Variants in FAM13A observed in about 807,000 individuals in gnomAD.
FAM13A encodes protein FAM13A.
Under a neutral mutation model 129.6 loss-of-function variants are expected in FAM13A, and 76 were observed. The observed-to-expected ratio is 0.59, with a 90% CI of 0.49 to 0.71. FAM13A has a LOEUF of 0.71. Among genes scored for constraint, FAM13A ranks in the 30% least tolerant of loss-of-function variants. The pLI is 0.00. For missense variants in FAM13A, 1,108 were observed against 1,249.3 expected, an observed-to-expected ratio of 0.89 and a Z score of 1.70; for synonymous variants, 443 against 449.9, an observed-to-expected ratio of 0.98 and a Z score of 0.20.
At chr4:88,877,831 C>T (rs1742822404) in intron 6 of FAM13A, among the ~76,000 whole-genome samples, 1 of 152,210 alleles carries the variant, frequency 6.6e-6, no homozygotes, top group Admixed American at 6.5e-5. Context: ...TCTTCTACTT[C>T]CCACCTCTTA....
chr4:88,770,951 T>C (rs1313033451), intron 11 of FAM13A, among the ~76,000 whole-genome samples: 1 of 152,186 alleles, frequency 6.6e-6, no homozygotes, highest in Non-Finnish European at 1.5e-5. Flanking sequence ...TTTCCAATAT[T>C]GTTCAATATT....
intron 8 of FAM13A, among the ~76,000 whole-genome samples, chr4:88,795,761 CT>C (rs998912795): frequency 6.6e-6 from 1 of 151,600 alleles, no homozygotes; most frequent in African/African-American, 2.4e-5. Flanking sequence ...ACTAAAAGTG[CT>C]TTTTTTGATT....
rs553463813 is a variant in FAM13A at position 88,776,438 on chromosome 4, G to A, written c.1458+4727C>T. On this transcript the variant is annotated intron_variant, in intron 11 of 23. Coordinates refer to ENST00000264344, the MANE Select transcript of FAM13A (RefSeq NM_014883.4). ...ATATCTACCTATGGATTATTGGGAG[G>A]ATTAAAATTGAGAATATATGAAAAG... Among the ~76,000 whole-genome samples, 93 of 152,106 alleles carry A rather than the reference G, an allele frequency of 6.1e-4. 1 individual carries two copies. Among genetic ancestry groups the A allele is most frequent in the Non-Finnish European group, 1.0e-3 (71 of 67,998 alleles).
chr4:89,019,239 GTTCTTTA>G (rs1766919953), intron 3 of FAM13A, among the ~76,000 whole-genome samples: 1 of 152,122 alleles, frequency 6.6e-6, no homozygotes, highest in Non-Finnish European at 1.5e-5. Flanking sequence ...CACTTATCCT[GTTCTTTA>G]GCATACTGCA....
intron 7 of FAM13A, among the ~76,000 whole-genome samples, chr4:88,829,015 G>A (rs1387978855): frequency 1.3e-5 from 2 of 152,184 alleles, no homozygotes; most frequent in African/African-American, 2.4e-5. Context: ...AATTCCAAGT[G>A]TTTGGCAATA....
intron 4 of FAM13A, among the ~76,000 whole-genome samples, chr4:88,943,722 C>A (rs184093217): frequency 6.6e-6 from 1 of 152,210 alleles, no homozygotes. Flanking sequence ...TTCTAGAACT[C>A]TAATGAAGAA....
Position 88,728,553 on chromosome 4 carries a change from T to C in FAM13A, c.3052A>G (p.Thr1018Ala). The C allele has an allele frequency of 1.9e-6, 3 of 1,614,172 alleles. No individual in the cohort carries two copies. The highest frequency in any genetic ancestry group is 2.5e-6 in the Non-Finnish European group (3 of 1,179,996). ...LLEVLISKRD[T>A]DSKSM ...GCCCCTCACATGGACTTGGAATCAGTGTCTCTCTTGCTGATGAGCACCTCC... is the reference window on the plus strand; with the variant it reads ...GCCCCTCACATGGACTTGGAATCAGCGTCTCTCTTGCTGATGAGCACCTCC... Residue 1018 changes from threonine (T) to alanine (A), a missense_variant, in exon 24 of 24, where the codon ACT becomes GCT. Transcript: ENST00000264344.
intron 7 of FAM13A, among the ~76,000 whole-genome samples, chr4:88,833,205 A>C (rs1734207646): frequency 6.6e-6 from 1 of 152,172 alleles, no homozygotes; most frequent in Non-Finnish European, 1.5e-5. Context: ...CTGGGAGCAG[A>C]ACAACATACA....
intron 13 of FAM13A, among the ~76,000 whole-genome samples, chr4:88,761,855 A>C (rs1744874735): frequency 6.6e-6 from 1 of 152,206 alleles, no homozygotes; most frequent in Admixed American, 6.5e-5. Context: ...ACTATTTGCT[A>C]GATGTTTTTT....
chr4:88,785,137 T>C (rs1043277000), intron 10 of FAM13A, among the ~76,000 whole-genome samples: 2 of 152,168 alleles, frequency 1.3e-5, no homozygotes, highest in Non-Finnish European at 2.9e-5. Context: ...ATAGTCATCA[T>C]TGGCTTCTTC....
At chr4:88,760,225 A>G (rs1744510126) in intron 13 of FAM13A, among the ~76,000 whole-genome samples, 1 of 152,234 alleles carries the variant, frequency 6.6e-6, no homozygotes, top group African/African-American at 2.4e-5. Context: ...TTTCCATGAA[A>G]TGATGCATGG....
At chr4:88,790,674 A>C (rs1724951664) in intron 8 of FAM13A, 47 bp from the exon 9 acceptor site, 1 of 1,550,928 alleles carries the variant, frequency 6.4e-7, no homozygotes, top group East Asian at 2.2e-5. Context: ...GAAAGATCAG[A>C]GATGATGAAC....
At chr4:88,765,207 C>CA (rs926243488) in intron 13 of FAM13A, among the ~76,000 whole-genome samples, 14 of 150,728 alleles carry the variant, frequency 9.3e-5, no homozygotes, top group East Asian at 2.0e-4. Context: ...GTAGTCCTCC[C>CA]AAAAAAAAAT....
chr4:88,824,296 A>C (rs766343479), intron 7 of FAM13A, among the ~76,000 whole-genome samples: 1 of 152,222 alleles, frequency 6.6e-6, no homozygotes, highest in East Asian at 1.9e-4. Flanking sequence ...GCTTGTAGGC[A>C]TGAGGTATCC....
rs377569584 is a variant in FAM13A, at chr4:88,817,562, C to CA, written c.1008-12511dup. On this transcript the variant is annotated intron_variant, in intron 7 of 23. Transcript: ENST00000264344. ...TAGGGGACAGAGCAAGACTCTGTCT[C>CA]AAAAAAAAAAAAAAGTTATTTCTAG... Among the ~76,000 whole-genome samples, 511 of 109,886 alleles carry CA rather than the reference C, an allele frequency of 4.7e-3. 5 individuals are homozygous for CA. Among genetic ancestry groups the CA allele is most frequent in the Middle Eastern group, 0.01 (2 of 198 alleles). The allele number at this position is 109,886 out of a possible 152,430, so 72.1% of individuals were successfully genotyped here. A position where few individuals can be genotyped will look rare whatever the true frequency, so the allele number is the denominator to read the frequency against.
intron 7 of FAM13A, among the ~76,000 whole-genome samples, chr4:88,834,055 ATTTTTTTTTT>A (rs922832858): frequency 3.2e-4 from 27 of 84,200 alleles, no homozygotes; most frequent in South Asian, 2.1e-3. Flanking sequence ...AGGCCTGGCT[ATTTTTTTTTT>A]TTTTTTTTTT....
intron 5 of FAM13A, among the ~76,000 whole-genome samples, chr4:88,914,505 C>T (rs1362851011): frequency 6.6e-6 from 1 of 152,142 alleles, no homozygotes; most frequent in Non-Finnish European, 1.5e-5. Flanking sequence ...CAGCATTTGC[C>T]CTTCTTATTC....
chr4:88,742,267 G>A (rs1253378697), intron 19 of FAM13A, among the ~76,000 whole-genome samples: 2 of 152,178 alleles, frequency 1.3e-5, no homozygotes, highest in Middle Eastern at 3.2e-3. Flanking sequence ...GTTCAAAAAC[G>A]AAGTTTTCTA....
intron 7 of FAM13A, among the ~76,000 whole-genome samples, chr4:88,846,731 T>C (rs1736705731): frequency 6.6e-6 from 1 of 152,220 alleles, no homozygotes; most frequent in Non-Finnish European, 1.5e-5. Flanking sequence ...TTCAGTGACT[T>C]TTAGTAACTT....
Sources: gnomAD v4.1 joint callset for allele counts (sites outside exome capture counted in the v4.1 genomes callset) on GRCh38, gnomAD v4.1.1 for gene constraint, MANE v1.5 for transcripts, NCBI Gene and HGNC (gene_info 2026-07-23, HGNC 2026-07-21) for gene names.